The following FBN1 variants were observed in gnomAD, a reference collection of about 807,000 sequenced individuals.
The protein encoded by FBN1 is fibrillin 1.
FBN1 carries 29 observed loss-of-function variants against 365.1 expected under a neutral mutation model. The ratio of observed to expected loss-of-function variants is 0.08; its 90% CI spans 0.06 to 0.11. The LOEUF is 0.11. Among genes scored for constraint, FBN1 ranks in the 10% least tolerant of loss-of-function variants. The pLI, the probability that FBN1 is intolerant of heterozygous loss-of-function variation, is 1.00. For synonymous variants in FBN1, 1,210 were observed against 1,270.5 expected (o/e 0.95, Z 1.01); for missense variants, 2,476 against 3,703.2 (o/e 0.67, Z 8.60).
At chr15:48,638,617 CT>C (rs34665953) in intron 2 of FBN1, among the ~76,000 whole-genome samples, 113,095 of 138,882 alleles carry the variant, frequency 0.81, 46,510 homozygotes, top group East Asian at 0.93. Flanking sequence ...TACATCAGAG[CT>C]TTTTTTTTTT....
intron 31 of FBN1, 60 bp from the exon 32 acceptor site, chr15:48,481,840 C>A: frequency 6.7e-7 from 1 of 1,481,702 alleles, no homozygotes; most frequent in Non-Finnish European, 9.4e-7. Flanking sequence ...GTACTTTCCC[C>A]TCGAGACATA....
At chr15:48,549,994 A>T (rs73394242) in intron 6 of FBN1, among the ~76,000 whole-genome samples, 5 of 152,212 alleles carry the variant, frequency 3.3e-5, no homozygotes, top group Non-Finnish European at 7.3e-5. Flanking sequence ...CCCAAACGGC[A>T]GCAGGCATTT....
chr15:48,520,636 C>T (rs1359004284), intron 10 of FBN1, 23 bp downstream of exon 10: 7 of 1,613,396 alleles, frequency 4.3e-6, no homozygotes, highest in East Asian at 2.2e-5. Context: ...GGATATTCTG[C>T]AGATAACTGG....
chr15:48,436,661 T>C (rs574042011), intron 53 of FBN1, among the ~76,000 whole-genome samples: 1 of 152,320 alleles, frequency 6.6e-6, no homozygotes, highest in East Asian at 1.9e-4. Flanking sequence ...ACTTTCATTA[T>C]GATGTTGTCC....
chr15:48,576,578 G>C (rs994323465), intron 6 of FBN1, among the ~76,000 whole-genome samples: 1 of 152,178 alleles, frequency 6.6e-6, no homozygotes, highest in Non-Finnish European at 1.5e-5. Flanking sequence ...GTGGGAGGGA[G>C]GGAGAGATAG....
chr15:48,524,089 G>T (rs57350662), intron 9 of FBN1, among the ~76,000 whole-genome samples: 2,202 of 152,240 alleles, frequency 0.014, 59 homozygotes, highest in African/African-American at 0.051. Context: ...GCTCAAACTA[G>T]GGAAAGGACA....
chr15:48,477,457 T>C (rs188930196), intron 32 of FBN1, among the ~76,000 whole-genome samples: 11 of 152,342 alleles, frequency 7.2e-5, no homozygotes, highest in East Asian at 1.9e-4. Context: ...TATGTAACAA[T>C]TGGAGAGACT....
rs149697299 is a variant in FBN1, at chr15:48,427,715, G to A, written c.7056C>T (p.Ser2352=). The A allele has an allele frequency of 1.5e-4, 245 of 1,613,994 alleles. No homozygotes were observed. The highest frequency in any genetic ancestry group is 2.0e-4 in the Non-Finnish European group (233 of 1,180,006). ...EVLQNMCQIG[S]SNRNPVTKSE... The stretch of plus-strand genomic sequence containing the variant: ...ATTTGGTGACGGGGTTCCTGTTGCT[G>A]GAGCCGATCTGACACATGTTTTGTA... Residue 2352 remains serine, a synonymous_variant, in exon 58 of 66, where the codon TCC becomes TCT. Coordinates refer to ENST00000316623, the MANE Select transcript of FBN1 (RefSeq NM_000138.5).
chr15:48,557,158 T>C (rs1357666171), intron 6 of FBN1, among the ~76,000 whole-genome samples: 1 of 152,088 alleles, frequency 6.6e-6, no homozygotes, highest in Non-Finnish European at 1.5e-5. Context: ...AGAACCCAAA[T>C]CTCTATTCAT....
At chr15:48,607,704 AG>A (rs1046458564) in intron 4 of FBN1, among the ~76,000 whole-genome samples, 1 of 152,170 alleles carries the variant, frequency 6.6e-6, no homozygotes, top group African/African-American at 2.4e-5. Flanking sequence ...TAAATGACCC[AG>A]TCTACAGTAT....
chr15:48,456,832 G>GA lies in FBN1; in HGVS notation c.5297-71dup, dbSNP rs969000250. 1.1e-5 allele frequency: 17 copies of GA among 1,492,394 alleles called. No individual in the cohort carries two copies. The Admixed American group carries it at 2.5e-4, about 22-fold the overall frequency. The allele number at this position is 1,492,394 out of a possible 1,614,324, so 92.4% of individuals were successfully genotyped here. On this transcript the variant is annotated intron_variant, in intron 43 of 65. Transcript: ENST00000316623. ...TCCCTGTGCAGGGTAAGACAAGATG[G>GA]AAAGTGCGTGCGTGTGTGTGTGTGT...
Position 48,411,100 on chromosome 15 carries a change from G to A in FBN1, c.8506C>T (p.Leu2836Phe), listed in dbSNP as rs982954804. The change falls in exon 66 of 66, where the codon CTT (leucine) becomes TTT (phenylalanine). Residue 2836 changes from leucine (L) to phenylalanine (F), a missense_variant. This residue lies in a region of FBN1 where 177 missense variants were observed against 192.7 expected (regional missense o/e 0.92). Transcript: ENST00000316623. ...TYSLQISSTP[L>F]YKKKELNQLE... is the part of the protein sequence containing the mutation. ...TGGTTAAGTTCTTTCTTTTTATAAAGTGGAGTACTACTGATTTGTAATGAA... is the reference window on the plus strand; with the variant it reads ...TGGTTAAGTTCTTTCTTTTTATAAAATGGAGTACTACTGATTTGTAATGAA... 1 of 1,614,092 alleles carries A rather than the reference G, an allele frequency of 6.2e-7. No homozygotes were observed. Among genetic ancestry groups the A allele is most frequent in the Non-Finnish European group, 8.5e-7 (1 of 1,179,986 alleles).
intron 4 of FBN1, among the ~76,000 whole-genome samples, chr15:48,606,052 A>T (rs886196465): frequency 6.6e-6 from 1 of 152,214 alleles, no homozygotes; most frequent in East Asian, 1.9e-4. Flanking sequence ...AGAATAGCTA[A>T]AATAAAAAAT....
Position 48,409,821 on chromosome 15 carries a change from T to C in FBN1, c.*1169A>G, listed in dbSNP as rs966282644. On this transcript the variant is annotated 3_prime_UTR_variant, in exon 66 of 66. Coordinates refer to ENST00000316623, the MANE Select transcript of FBN1 (RefSeq NM_000138.5). ...AAAAGTCACAAGATGAATTAGGTCA[T>C]GTTTCAGAAATGACTCTACAATCTA... 4.6e-5 allele frequency: 7 copies of C among 152,214 alleles called. No individual in the cohort carries two copies. The highest frequency in any genetic ancestry group is 4.6e-4 in the Admixed American group (7 of 15,280). 9.4% of individuals were successfully genotyped at this position (152,214 alleles called of 1,614,324 possible). A position where few individuals can be genotyped will look rare whatever the true frequency, so the allele number is the denominator to read the frequency against.
chr15:48,568,089 T>C (rs558506563), intron 6 of FBN1, among the ~76,000 whole-genome samples: 2 of 106,920 alleles, frequency 1.9e-5, no homozygotes, highest in South Asian at 5.8e-4. Flanking sequence ...AGAAAGACTA[T>C]CTTTATTCCA....
rs370940450 is a variant in FBN1 at position 48,444,640 on chromosome 15, C to G, written c.5938G>C (p.Glu1980Gln). The G allele has an allele frequency of 1.9e-6, 3 of 1,613,322 alleles. No individual in the cohort carries two copies. The highest frequency in any genetic ancestry group is 2.5e-6 in the Non-Finnish European group (3 of 1,179,626). ...TCVDINECLL[E>Q]PRKCAPGTCQ... ...GTACCTGGTGCACATTTTCTGGGTT[C>G]TAGAAGACATTCATTGATATCTGCA... is the stretch of plus-strand genomic sequence containing the variant. Residue 1980 changes from glutamate to glutamine, a missense_variant, in exon 49 of 66, where the codon GAA becomes CAA. Glu to Gln is a conservative substitution (Grantham distance 29). Transcript: ENST00000316623.
rs534426067 is a variant in FBN1, at chr15:48,469,493, T to C, written c.4460-959A>G. 3.3e-5 allele frequency among the ~76,000 whole-genome samples: 5 copies of C among 152,244 alleles called. No individual in the cohort carries two copies. The South Asian group carries it at 6.2e-4, about 19-fold the overall frequency. On this transcript the variant is annotated intron_variant, in intron 36 of 65. Transcript: ENST00000316623. ...TATTTAGGACATGGGTTTTGGCAAA[T>C]TCCACTCTGTACAATTCCTTTTGTC...
intron 5 of FBN1, 139 bp downstream of exon 5, chr15:48,600,000 C>T (rs2044549172): frequency 1.5e-6 from 1 of 679,222 alleles, no homozygotes; most frequent in African/African-American, 1.8e-5. Context: ...GTGATTTGTT[C>T]ATCTGTAAAG....
chr15:48,456,815 C>T, intron 43 of FBN1, 53 bp from the exon 44 acceptor site: 6 of 1,560,092 alleles, frequency 3.8e-6, no homozygotes, highest in Non-Finnish European at 5.2e-6. Context: ...GATCCCTGTG[C>T]AGGGTAAGAC....
Sources: allele counts gnomAD v4.1 joint callset (sites outside exome capture counted in the v4.1 genomes callset), GRCh38; gene constraint gnomAD v4.1.1; regional missense constraint gnomAD v4.1.1; transcripts MANE v1.5; gene names NCBI Gene and HGNC (gene_info 2026-07-23, HGNC 2026-07-21).